The following ACOT7 variants were observed in gnomAD, a reference collection of about 807,000 sequenced individuals.
The protein encoded by ACOT7 is cytosolic acyl coenzyme A thioester hydrolase.
Under a neutral mutation model 40.2 loss-of-function variants are expected in ACOT7, and 12 were observed. That is an observed-to-expected ratio of 0.30 (90% CI 0.19 to 0.48). ACOT7 has a LOEUF of 0.48. ACOT7 is among the 20% of genes least tolerant of loss of function. ACOT7 has a pLI of 0.99. For synonymous variants in ACOT7, 228 were observed against 219.5 expected (o/e 1.04, Z -0.34); for missense variants, 395 against 530.8 (o/e 0.74, Z 2.51).
At chr1:6,361,656 G>A (rs1038107491) in intron 1 of ACOT7, among the ~76,000 whole-genome samples, 1 of 152,128 alleles carries the variant, frequency 6.6e-6, no homozygotes, top group East Asian at 1.9e-4. Flanking sequence ...AGTTAACCAG[G>A]CATGGTGGTG....
rs922583839 is a variant in ACOT7, at chr1:6,311,582, A to C, written c.712+6910T>G. 5.3e-5 allele frequency among the ~76,000 whole-genome samples: 8 copies of C among 152,136 alleles called. No homozygotes were observed. The highest frequency in any genetic ancestry group is 1.2e-4 in the Non-Finnish European group (8 of 68,020). On this transcript the variant is annotated intron_variant, in intron 6 of 8. Transcript: ENST00000361521. This position sits in a 1 kb window ranked among gnomAD's most constrained non-coding sequence, Gnocchi z 5.2. The stretch of plus-strand genomic sequence containing the variant: ...CAGCTATTGGGGTCTCTTGTGGTAT[A>C]ATTCAGGGAGGATCACAGTAACTAA...
chr1:6,328,884 A>G (rs1189806342), intron 4 of ACOT7, among the ~76,000 whole-genome samples: 8 of 150,194 alleles, frequency 5.3e-5, no homozygotes, highest in African/African-American at 2.0e-4. Flanking sequence ...TGCTGGCCGC[A>G]GGCTGGTTCC....
In ACOT7 at chr1:6,341,246, A is replaced by G. The variant is rs1250422948; in HGVS notation, c.262-1657T>C. Among the ~76,000 whole-genome samples, 4 of 151,380 alleles carry G rather than the reference A, an allele frequency of 2.6e-5. No homozygotes were observed. The East Asian group carries it at 8.2e-4, about 31-fold the overall frequency. On this transcript the variant is annotated intron_variant, in intron 2 of 8. Coordinates refer to ENST00000361521, the MANE Select transcript of ACOT7 (RefSeq NM_007274.4). Reference sequence around the variant, plus strand: ...AACCTCCGCCTCCAGGATTCAGGCAATTCTCCTGCCTCAGCCTCCTGAGTA... The same window carrying G: ...AACCTCCGCCTCCAGGATTCAGGCAGTTCTCCTGCCTCAGCCTCCTGAGTA...
rs559723761 is a variant in ACOT7 at position 6,305,432 on chromosome 1, C to T, written c.713-10452G>A. ...GGCTGACCCCCACCTCCCTCCCGGA[C>T]GGGGTGGCTGCCGGGTGGAGACGCT... is the stretch of plus-strand genomic sequence containing the variant. On this transcript the variant is annotated intron_variant, in intron 6 of 8. Transcript: ENST00000361521. Among the ~76,000 whole-genome samples, 1,167 of 151,312 alleles carry T rather than the reference C, an allele frequency of 7.7e-3. 11 individuals carry two copies. Among genetic ancestry groups the T allele is most frequent in the Non-Finnish European group, 0.012 (816 of 67,780 alleles).
chr1:6,265,172 G>C (rs1483168941), intron 8 of ACOT7, among the ~76,000 whole-genome samples: 1 of 152,176 alleles, frequency 6.6e-6, no homozygotes, highest in Non-Finnish European at 1.5e-5. Flanking sequence ...CCCTGCATTC[G>C]CTGCACTCCC....
chr1:6,346,993 T>C (rs75677098), intron 2 of ACOT7, among the ~76,000 whole-genome samples: 7,887 of 152,138 alleles, frequency 0.052, 251 homozygotes, highest in African/African-American at 0.074. Context: ...GTCGTTTTTT[T>C]GCACATCAAG....
chr1:6,268,088 G>T (rs1638904322), intron 8 of ACOT7, among the ~76,000 whole-genome samples: 1 of 152,202 alleles, frequency 6.6e-6, no homozygotes, highest in Non-Finnish European at 1.5e-5. Flanking sequence ...CTGGGGCTGG[G>T]GGACCAGTGG....
chr1:6,331,982 C>T (rs1275319871), intron 4 of ACOT7, among the ~76,000 whole-genome samples: 1 of 152,084 alleles, frequency 6.6e-6, no homozygotes, highest in East Asian at 1.9e-4. Flanking sequence ...CCCTGGTGAC[C>T]GGGGGGCCAC....
rs1305937234 is a variant in ACOT7, at chr1:6,358,148, C to A, written c.144-8282G>T. Among the ~76,000 whole-genome samples, 1 of 152,094 alleles carries A rather than the reference C, an allele frequency of 6.6e-6. No individual in the cohort carries two copies. Among genetic ancestry groups the A allele is most frequent in the Non-Finnish European group, 1.5e-5 (1 of 68,004 alleles). On this transcript the variant is annotated intron_variant, in intron 1 of 8. Coordinates refer to ENST00000361521, the MANE Select transcript of ACOT7 (RefSeq NM_007274.4). This position sits in a 1 kb window ranked among gnomAD's most constrained non-coding sequence, Gnocchi z 4.1. ...CCTCCCAAAGTGCTGAGATTACAGG[C>A]GTGAGTCACAGAGTCTGGCCCCTGC...
At chr1:6,270,724 G>T (rs920080776) in intron 8 of ACOT7, among the ~76,000 whole-genome samples, 5 of 152,188 alleles carry the variant, frequency 3.3e-5, no homozygotes, top group African/African-American at 1.2e-4. Context: ...CTACGTGTGT[G>T]TGCACATGTG....
At chr1:6,332,582 G>C (rs796542109) in intron 4 of ACOT7, among the ~76,000 whole-genome samples, 4 of 152,252 alleles carry the variant, frequency 2.6e-5, no homozygotes, top group African/African-American at 9.6e-5. Flanking sequence ...TTGGGAGGCC[G>C]AGGTGGGTGG....
chr1:6,374,109 G>T (rs1292137085), intron 1 of ACOT7, among the ~76,000 whole-genome samples: 1 of 152,212 alleles, frequency 6.6e-6, no homozygotes, highest in African/African-American at 2.4e-5. Context: ...CAAGTTTCCT[G>T]GAATTCTGCC....
intron 1 of ACOT7, among the ~76,000 whole-genome samples, chr1:6,392,036 C>T (rs1006334442): frequency 6.6e-5 from 10 of 151,882 alleles, no homozygotes; most frequent in Admixed American, 1.3e-4. Flanking sequence ...CCCCCAAAGA[C>T]GTTCCCCCTC....
chr1:6,294,955 C>T lies in ACOT7; in HGVS notation c.738G>A (p.Glu246=), dbSNP rs563333886. 2.2e-4 allele frequency: 348 copies of T among 1,613,996 alleles called. 2 individuals carry two copies. In the South Asian group the frequency reaches 3.6e-3, roughly 17 times the overall value. ...GGCGTGCAGCCACGATCCCGGCGACCTCATCCATGAGCTTCATGGTCACAC... is the reference window on the plus strand; with the variant it reads ...GGCGTGCAGCCACGATCCCGGCGACTTCATCCATGAGCTTCATGGTCACAC... ...HGGVTMKLMD[E]VAGIVAARHC... Residue 246 remains glutamate, a synonymous_variant, in exon 7 of 9, where the codon GAG becomes GAA. Coordinates refer to ENST00000361521, the MANE Select transcript of ACOT7 (RefSeq NM_007274.4). This position sits in a 1 kb window ranked among gnomAD's most constrained non-coding sequence, Gnocchi z 4.6.
chr1:6,300,731 C>T (rs958310403), intron 6 of ACOT7, among the ~76,000 whole-genome samples: 17 of 150,970 alleles, frequency 1.1e-4, no homozygotes, highest in Admixed American at 1.1e-3. Flanking sequence ...TCTCACCAGA[C>T]AGCACCCTAT....
At position 6,339,506 on chromosome 1, in the gene ACOT7, G is replaced by T; in HGVS notation, c.345C>A (p.Ser115Arg). Residue 115 changes from serine (S) to arginine (R), a missense_variant, in exon 3 of 9, where the codon AGC (serine) becomes AGA (arginine). This residue lies in a region of ACOT7 where 309 missense variants were observed against 470.3 expected (regional missense o/e 0.66). Coordinates refer to ENST00000361521, the MANE Select transcript of ACOT7 (RefSeq NM_007274.4). The part of the protein sequence containing the change: ...PMCIGEVAHV[S>R]AEITYTSKHS... ...GCTTGGAGGTGTAGGTGATCTCCGCGCTGACATGCGCCACCTCACCGATGC... is the reference window on the plus strand; with the variant it reads ...GCTTGGAGGTGTAGGTGATCTCCGCTCTGACATGCGCCACCTCACCGATGC... 6.2e-7 allele frequency: 1 copy of T among 1,613,700 alleles called. No individual in the cohort carries two copies. Among genetic ancestry groups the T allele is most frequent in the Non-Finnish European group, 8.5e-7 (1 of 1,180,034 alleles).
intron 1 of ACOT7, among the ~76,000 whole-genome samples, chr1:6,386,408 C>G (rs547547422): frequency 7.2e-4 from 109 of 152,296 alleles, no homozygotes; most frequent in African/African-American, 2.5e-3. Flanking sequence ...CCCTATGTCC[C>G]CATCAAGCAG....
At chr1:6,339,302 G>T in intron 3 of ACOT7, 131 bp downstream of exon 3, 1 of 1,288,686 alleles carries the variant, frequency 7.8e-7, no homozygotes, top group Non-Finnish European at 1.1e-6. Context: ...CAGGGCCATG[G>T]TGGGAGGTGA....
chr1:6,364,025 T>C (rs553240964), intron 1 of ACOT7, among the ~76,000 whole-genome samples: 191 of 152,014 alleles, frequency 1.3e-3, no homozygotes, highest in African/African-American at 4.3e-3. Context: ...TGGGCCAAGA[T>C]TGAATTCCAG....
Sources: allele counts gnomAD v4.1 joint callset (sites outside exome capture counted in the v4.1 genomes callset), GRCh38; gene constraint gnomAD v4.1.1; regional missense constraint gnomAD v4.1.1; non-coding constraint Gnocchi (gnomAD v3.1); transcripts MANE v1.5; gene names NCBI Gene and HGNC (gene_info 2026-07-23, HGNC 2026-07-21).